ACAP2: variants seen among roughly 807,000 people sequenced by gnomAD.
ACAP2 encodes the protein ArfGAP with coiled-coil, ankyrin repeat and PH domains 2.
A neutral mutation model predicts 115.8 loss-of-function variants in ACAP2; 39 were observed. That is an observed-to-expected ratio of 0.34 (90% CI 0.26 to 0.44). The LOEUF (loss-of-function observed/expected upper bound fraction) is 0.44, where lower values mean the gene tolerates loss of function less well. ACAP2 is among the 20% of genes least tolerant of loss of function. The probability of loss-of-function intolerance (pLI) is 1.00; values close to 1 mark genes in which losing one functional copy is unlikely to be tolerated. For synonymous variants in ACAP2, 289 were observed against 315.8 expected, an observed-to-expected ratio of 0.92 and a Z score of 0.90; for missense variants, 662 against 927.6, an observed-to-expected ratio of 0.71 and a Z score of 3.72.
rs1466865853 is a variant in ACAP2, at chr3:195,355,397, C to G, written c.286-10080G>C. On this transcript the variant is annotated intron_variant, in intron 4 of 22. Coordinates refer to ENST00000326793, the MANE Select transcript of ACAP2 (RefSeq NM_012287.6). ...AATTCCTCAATTCATCTACTGGTATCTAAGTCTCCAGTCTATACTTTCCCA... is the reference window on the plus strand; with the variant it reads ...AATTCCTCAATTCATCTACTGGTATGTAAGTCTCCAGTCTATACTTTCCCA... Among the ~76,000 whole-genome samples, 3 of 149,092 alleles carry G rather than the reference C, an allele frequency of 2.0e-5. No homozygotes were observed. The Admixed American group carries it at 2.0e-4, about 10-fold the overall frequency.
At chr3:195,414,350 C>G (rs1375200541) in intron 1 of ACAP2, among the ~76,000 whole-genome samples, 2 of 152,134 alleles carry the variant, frequency 1.3e-5, no homozygotes, top group Non-Finnish European at 2.9e-5. Context: ...TTAATGTGAT[C>G]CTCCTGCCTC....
intron 5 of ACAP2, among the ~76,000 whole-genome samples, chr3:195,345,012 T>C (rs1434496376): frequency 6.6e-6 from 1 of 152,208 alleles, no homozygotes; most frequent in African/African-American, 2.4e-5. Context: ...TTTAAACCTA[T>C]AGCTACATAT....
intron 10 of ACAP2, among the ~76,000 whole-genome samples, chr3:195,311,687 C>T (rs919489896): frequency 2.0e-5 from 3 of 151,884 alleles, no homozygotes; most frequent in Non-Finnish European, 4.4e-5. Flanking sequence ...CAGGCATGCA[C>T]CACCACGCCC....
intron 18 of ACAP2, among the ~76,000 whole-genome samples, chr3:195,294,037 G>A (rs1028890025): frequency 5.3e-5 from 8 of 152,024 alleles, no homozygotes; most frequent in African/African-American, 1.7e-4. Flanking sequence ...TACTCGGGAG[G>A]CTGAGGCAGG....
chr3:195,293,710 C>T (rs768381906), intron 18 of ACAP2, among the ~76,000 whole-genome samples: 8 of 151,920 alleles, frequency 5.3e-5, no homozygotes, highest in Admixed American at 5.2e-4. Context: ...GGCATGGTGG[C>T]ACACACCTGT....
rs1264042440 is a variant in ACAP2 at position 195,278,375 on chromosome 3, G to C, written c.*953C>G. ...TGGGGTTCTTTTTCTCCTTTGTACA[G>C]AGATTTTTCTTTCACTAGGAGCAAC... On this transcript the variant is annotated 3_prime_UTR_variant, in exon 23 of 23. Transcript: ENST00000326793. 2.0e-5 allele frequency: 3 copies of C among 152,076 alleles called. No individual in the cohort carries two copies. The highest frequency in any genetic ancestry group is 4.4e-5 in the Non-Finnish European group (3 of 68,000). 9.4% of individuals were successfully genotyped at this position (152,076 alleles called of 1,614,324 possible). A position where few individuals can be genotyped will look rare whatever the true frequency, so the allele number is the denominator to read the frequency against.
intron 8 of ACAP2, among the ~76,000 whole-genome samples, chr3:195,330,022 A>G (rs1730061104): frequency 6.6e-6 from 1 of 152,006 alleles, no homozygotes; most frequent in Non-Finnish European, 1.5e-5. Flanking sequence ...AAATAGCTCT[A>G]TGATTCAGAG....
chr3:195,352,523 G>T (rs1731682125), intron 4 of ACAP2, among the ~76,000 whole-genome samples: 1 of 152,082 alleles, frequency 6.6e-6, no homozygotes, highest in African/African-American at 2.4e-5. Flanking sequence ...TTTACACCTG[G>T]CTATTCACAT....
rs149499056 is a variant in ACAP2 at position 195,393,597 on chromosome 3, A to C, written c.54-1450T>G. Among the ~76,000 whole-genome samples the C allele has an allele frequency of 1.8e-4, 28 of 152,348 alleles. 1 individual carries two copies. The East Asian group carries it at 5.4e-3, about 29-fold the overall frequency. ...TAAAAGTTTCTCATTTGCTTCAGCAACGTTTTTCAAACTATGCATTGTCCC... is the reference window on the plus strand; with the variant it reads ...TAAAAGTTTCTCATTTGCTTCAGCACCGTTTTTCAAACTATGCATTGTCCC... On this transcript the variant is annotated intron_variant, in intron 1 of 22. Transcript: ENST00000326793.
At chr3:195,292,671 C>T (rs113068461) in intron 18 of ACAP2, among the ~76,000 whole-genome samples, 3,289 of 152,118 alleles carry the variant, frequency 0.022, 117 homozygotes, top group East Asian at 0.1. Flanking sequence ...CCTGCAATCC[C>T]AGCACTTTGG....
chr3:195,322,695 A>C (rs1577298681), intron 9 of ACAP2, among the ~76,000 whole-genome samples: 1 of 152,210 alleles, frequency 6.6e-6, no homozygotes, highest in Non-Finnish European at 1.5e-5. Flanking sequence ...GGAAGCAGTA[A>C]ATATAAATAT....
intron 1 of ACAP2, among the ~76,000 whole-genome samples, chr3:195,419,937 T>C (rs556858890): frequency 1.3e-5 from 2 of 152,364 alleles, no homozygotes; most frequent in South Asian, 4.1e-4. Flanking sequence ...AAGTTTGATA[T>C]GGGACATTGT....
At chr3:195,314,199 GTT>G (rs767973183) in intron 10 of ACAP2, among the ~76,000 whole-genome samples, 1 of 125,100 alleles carries the variant, frequency 8.0e-6, no homozygotes, top group South Asian at 3.1e-4. Flanking sequence ...AAATTTTGTT[GTT>G]TTTTTTTTTT....
chr3:195,298,144 C>T (rs1038450134), intron 15 of ACAP2, among the ~76,000 whole-genome samples: 51 of 152,016 alleles, frequency 3.4e-4, no homozygotes, highest in African/African-American at 1.2e-3. Flanking sequence ...CAGGCAAGGC[C>T]TGGGATGAGA....
At chr3:195,313,594 A>T (rs1054639852) in intron 10 of ACAP2, among the ~76,000 whole-genome samples, 6 of 152,228 alleles carry the variant, frequency 3.9e-5, no homozygotes, top group African/African-American at 1.4e-4. Context: ...TATACTTCTT[A>T]TAATACAAAA....
In ACAP2 at chr3:195,294,810, G is replaced by A; in HGVS notation, c.1674C>T (p.Val558=). 6.3e-7 allele frequency: 1 copy of A among 1,585,400 alleles called. No individual in the cohort carries two copies. Among genetic ancestry groups the A allele is most frequent in the Non-Finnish European group, 8.6e-7 (1 of 1,158,536 alleles). ...GCTGAATTCCACTGTCATTACTTCT[G>A]ACTGTTTTAAAGAAAAATTAACTAA... ...DQVRASAQSS[V]RSNDSGIQQS... Residue 558 remains valine (V), a splice_region_variant and synonymous_variant, in exon 18 of 23, where the codon GTC becomes GTT. Transcript: ENST00000326793.
At chr3:195,366,843 T>C (rs1375316796) in intron 4 of ACAP2, among the ~76,000 whole-genome samples, 1 of 151,978 alleles carries the variant, frequency 6.6e-6, no homozygotes, top group Non-Finnish European at 1.5e-5. Context: ...TCTCCGTAAA[T>C]GGGAAAAATG....
intron 1 of ACAP2, among the ~76,000 whole-genome samples, chr3:195,430,652 T>C (rs936337186): frequency 6.6e-6 from 1 of 151,912 alleles, no homozygotes; most frequent in African/African-American, 2.4e-5. Context: ...GAGGCAGAGG[T>C]TGCAGTGAGC....
chr3:195,350,787 G>A (rs1006312883), intron 4 of ACAP2, among the ~76,000 whole-genome samples: 1 of 151,840 alleles, frequency 6.6e-6, no homozygotes, highest in African/African-American at 2.4e-5. Flanking sequence ...GCAAGCTGGA[G>A]AGCCACATGC....
Sources: allele counts gnomAD v4.1 joint callset (sites outside exome capture counted in the v4.1 genomes callset), GRCh38; gene constraint gnomAD v4.1.1; transcripts MANE v1.5; gene names NCBI Gene and HGNC (gene_info 2026-07-23, HGNC 2026-07-21).